Variants in ACOXL observed in about 807,000 individuals in gnomAD.
The protein encoded by ACOXL is acyl-CoA oxidase like, also known as acyl-coenzyme A oxidase-like protein.
In ACOXL, 70 loss-of-function variants were observed where a neutral mutation model predicts 71.9. The observed-to-expected ratio is 0.97, with a 90% CI of 0.80 to 1.19. The LOEUF (loss-of-function observed/expected upper bound fraction) is 1.19, where lower values mean the gene tolerates loss of function less well. ACOXL is among the 50% of genes most tolerant of loss of function. The pLI is 0.00. For missense variants in ACOXL, 703 were observed against 736.3 expected (o/e 0.95, Z 0.52); for synonymous variants, 253 against 281.6 (o/e 0.90, Z 1.02).
chr2:110,773,485 G>T (rs936795729), intron 2 of ACOXL, among the ~76,000 whole-genome samples: 11 of 152,114 alleles, frequency 7.2e-5, no homozygotes. Context: ...ACTCACCCAG[G>T]CCCCACCCTG....
At chr2:110,948,064 T>TTC (rs2061176215) in intron 12 of ACOXL, among the ~76,000 whole-genome samples, 1 of 152,196 alleles carries the variant, frequency 6.6e-6, no homozygotes, top group Admixed American at 6.5e-5. Context: ...GCTGCCCTGT[T>TTC]TCTCCTCAGT....
chr2:111,054,646 C>T (rs190348674), intron 16 of ACOXL, among the ~76,000 whole-genome samples: 136 of 152,296 alleles, frequency 8.9e-4, no homozygotes, highest in African/African-American at 3.1e-3. Context: ...GAAGGAGGGA[C>T]GCCAGGCCTC....
chr2:110,907,754 T>G (rs2059508776), intron 10 of ACOXL, among the ~76,000 whole-genome samples: 2 of 152,232 alleles, frequency 1.3e-5, no homozygotes, highest in South Asian at 2.1e-4. Context: ...TGAGATGCCT[T>G]AAACACTAAA....
intron 12 of ACOXL, among the ~76,000 whole-genome samples, chr2:110,946,776 CCTT>C (rs2061126181): frequency 6.6e-6 from 1 of 152,104 alleles, no homozygotes; most frequent in African/African-American, 2.4e-5. Flanking sequence ...CTGGAGGGGA[CCTT>C]CTCATGGCGG....
At chr2:111,071,301 C>T (rs934852880) in intron 16 of ACOXL, among the ~76,000 whole-genome samples, 8 of 152,112 alleles carry the variant, frequency 5.3e-5, no homozygotes, top group Non-Finnish European at 1.2e-4. Flanking sequence ...ATAAATAAGA[C>T]TTGCCCACCT....
intron 10 of ACOXL, among the ~76,000 whole-genome samples, chr2:110,907,165 G>A (rs1040753294): frequency 2.6e-5 from 4 of 152,174 alleles, no homozygotes; most frequent in South Asian, 2.1e-4. Context: ...TTTCCTGGCC[G>A]GCAGATGGCT....
intron 12 of ACOXL, among the ~76,000 whole-genome samples, chr2:110,955,348 G>A (rs1350224132): frequency 6.6e-6 from 1 of 151,588 alleles, no homozygotes; most frequent in Non-Finnish European, 1.5e-5. Context: ...ATGGTGCAGT[G>A]CTGACTGCCT....
chr2:110,815,256 G>A (rs546102790), intron 9 of ACOXL, among the ~76,000 whole-genome samples: 10 of 152,294 alleles, frequency 6.6e-5, no homozygotes, highest in Non-Finnish European at 1.0e-4. Flanking sequence ...ACTTCCCAAT[G>A]TGTCCCTCCT....
intron 3 of ACOXL, among the ~76,000 whole-genome samples, chr2:110,786,040 A>T (rs936426707): frequency 6.6e-6 from 1 of 152,220 alleles, no homozygotes; most frequent in Non-Finnish European, 1.5e-5. Flanking sequence ...GAAGGCGAAC[A>T]AAATAGCTCA....
At chr2:110,883,054 A>T (rs1193239475) in intron 10 of ACOXL, among the ~76,000 whole-genome samples, 1 of 146,158 alleles carries the variant, frequency 6.8e-6, no homozygotes, top group African/African-American at 2.6e-5. Flanking sequence ...CCATCCCTCC[A>T]TTCACTCTGT....
chr2:111,114,619 G>T (rs901170499), intron 17 of ACOXL, among the ~76,000 whole-genome samples: 2 of 152,160 alleles, frequency 1.3e-5, no homozygotes, highest in African/African-American at 4.8e-5. Flanking sequence ...CCTAGGAATA[G>T]CTGGGGTGTC....
In ACOXL at chr2:110,995,499, CAAAA is replaced by C. The variant is rs567318996; in HGVS notation, c.1170-378_1170-375del. On this transcript the variant is annotated intron_variant, in intron 13 of 17. Transcript: ENST00000439055. ...TGGGAAACAGAGTGAGACTCTGTCTCAAAAAAAAAAAAAAAAAAAGAATTGTATA... is the reference window on the plus strand; with the variant it reads ...TGGGAAACAGAGTGAGACTCTGTCTCAAAAAAAAAAAAAAAGAATTGTATA... Among the ~76,000 whole-genome samples the C allele has an allele frequency of 7.2e-3, 483 of 67,318 alleles. 12 individuals carry two copies. Among genetic ancestry groups the C allele is most frequent in the African/African-American group, 0.029 (444 of 15,096 alleles). The allele number at this position is 67,318 out of a possible 152,430, so 44.2% of individuals were successfully genotyped here. A position where few individuals can be genotyped will look rare whatever the true frequency, so the allele number is the denominator to read the frequency against.
intron 16 of ACOXL, among the ~76,000 whole-genome samples, chr2:111,091,732 A>G (rs191847346): frequency 1.3e-5 from 2 of 152,342 alleles, no homozygotes; most frequent in Non-Finnish European, 2.9e-5. Flanking sequence ...AATTTCATAA[A>G]AGAGCTGAAA....
At position 111,092,824 on chromosome 2, in the gene ACOXL, T is replaced by C. The variant is rs373287232; in HGVS notation, c.1441-41T>C. On this transcript the variant is annotated intron_variant, in intron 16 of 17. Transcript: ENST00000439055. ...CTTAGATTTTGTGTTTTCTAATATA[T>C]TGCTATTTGTCCATTTCTTTTGTTT... The C allele has an allele frequency of 2.2e-5, 30 of 1,364,580 alleles. No individual in the cohort carries two copies. In the East Asian group the frequency reaches 4.1e-4, roughly 19 times the overall value. The allele number at this position is 1,364,580 out of a possible 1,614,324, so 84.5% of individuals were successfully genotyped here.
chr2:111,031,795 AGGACAGTCCCAACACACAGGGAAG>A (rs2065284062), intron 15 of ACOXL, 81 bp downstream of exon 15: 1 of 1,393,552 alleles, frequency 7.2e-7, no homozygotes, highest in East Asian at 2.3e-5. Context: ...CTGCAGGGAA[AGGACAGTCCCAACACACAGGGAAG>A]GGACAGTCCG....
intron 15 of ACOXL, among the ~76,000 whole-genome samples, chr2:111,039,769 T>G (rs545115482): frequency 9.9e-5 from 15 of 152,232 alleles, no homozygotes; most frequent in Non-Finnish European, 1.6e-4. Flanking sequence ...AAAATTCTTC[T>G]GTGTCCAGGA....
At chr2:111,043,450 C>G (rs915748559) in intron 15 of ACOXL, among the ~76,000 whole-genome samples, 4 of 152,202 alleles carry the variant, frequency 2.6e-5, no homozygotes, top group Non-Finnish European at 5.9e-5. Context: ...ACTTCAGAAG[C>G]TGTCTGGAGT....
At chr2:111,050,497 T>C (rs1489260737) in intron 16 of ACOXL, among the ~76,000 whole-genome samples, 1 of 152,224 alleles carries the variant, frequency 6.6e-6, no homozygotes, top group Non-Finnish European at 1.5e-5. Flanking sequence ...CAGGCTGGCT[T>C]TCCATGACCT....
At chr2:110,963,996 AAC>A (rs1249564439) in intron 12 of ACOXL, among the ~76,000 whole-genome samples, 1 of 152,204 alleles carries the variant, frequency 6.6e-6, no homozygotes, top group Non-Finnish European at 1.5e-5. Context: ...CCAGAAGATG[AAC>A]AAGCAAAAGG....
Sources: gnomAD v4.1 joint callset for allele counts (sites outside exome capture counted in the v4.1 genomes callset) on GRCh38, gnomAD v4.1.1 for gene constraint, MANE v1.5 for transcripts, NCBI Gene and HGNC (gene_info 2026-07-23, HGNC 2026-07-21) for gene names.